Variants in SNX27 observed in about 807,000 individuals in gnomAD.
SNX27 encodes sorting nexin 27, also known as sorting nexin-27.
A neutral mutation model predicts 71.6 loss-of-function variants in SNX27; 22 were observed. The ratio of observed to expected loss-of-function variants is 0.31; its 90% CI spans 0.22 to 0.44. The LOEUF (loss-of-function observed/expected upper bound fraction) is 0.44. SNX27 is among the 20% of genes least tolerant of loss of function. The probability of loss-of-function intolerance (pLI) is 1.00; values close to 1 mark genes in which losing one functional copy is unlikely to be tolerated. For missense variants in SNX27, 531 were observed against 698.6 expected (o/e 0.76, Z 2.70); for synonymous variants, 269 against 277.2 (o/e 0.97, Z 0.29).
At chr1:151,624,409 T>TTA (rs10577800) in intron 1 of SNX27, among the ~76,000 whole-genome samples, 16,918 of 129,504 alleles carry the variant, frequency 0.13, 1,129 homozygotes, top group Middle Eastern at 0.18. Context: ...TAGCTTGATT[T>TTA]TATATATATA....
chr1:151,686,996 A>G (rs868112256), intron 8 of SNX27, among the ~76,000 whole-genome samples: 4 of 152,244 alleles, frequency 2.6e-5, no homozygotes, highest in African/African-American at 7.2e-5. Flanking sequence ...ACGTCTGTGC[A>G]TAGTTTATAA....
chr1:151,613,059 T>C, intron 1 of SNX27: 1 of 152,138 alleles, frequency 6.6e-6, no homozygotes, highest in Non-Finnish European at 1.5e-5. Flanking sequence ...GGAAACACCA[T>C]CCCTCCCCGC....
chr1:151,676,656 T>C (rs1670717133), intron 7 of SNX27: 1 of 152,190 alleles, frequency 6.6e-6, no homozygotes, highest in South Asian at 2.1e-4. Flanking sequence ...AATGTTTATC[T>C]ATCTTTTCCA....
At position 151,697,399 on chromosome 1, in the gene SNX27, T is replaced by C. The variant is rs550285582; in HGVS notation, c.*2982T>C. The C allele has an allele frequency of 1.3e-5, 2 of 152,628 alleles. No individual in the cohort carries two copies. Among genetic ancestry groups the C allele is most frequent in the South Asian group, 2.1e-4 (1 of 4,828 alleles). 9.5% of individuals were successfully genotyped at this position (152,628 alleles called of 1,614,324 possible). A position where few individuals can be genotyped will look rare whatever the true frequency, so the allele number is the denominator to read the frequency against. Reference sequence around the variant, plus strand: ...CCCTTAGAATGGGTAGATGGTGTTATGTTCCCTTTCTGGCATAGCATTCAC... The same window carrying C: ...CCCTTAGAATGGGTAGATGGTGTTACGTTCCCTTTCTGGCATAGCATTCAC... On this transcript the variant is annotated 3_prime_UTR_variant, in exon 12 of 12. Coordinates refer to ENST00000458013, the MANE Select transcript of SNX27 (RefSeq NM_001330723.2).
At chr1:151,654,323 G>T (rs1193249828) in intron 2 of SNX27, among the ~76,000 whole-genome samples, 1 of 152,138 alleles carries the variant, frequency 6.6e-6, no homozygotes, top group African/African-American at 2.4e-5. Context: ...GGCAGAATCT[G>T]TGTCTCTGTG....
In SNX27 at chr1:151,693,078, G is replaced by GTTTTTTTGT. The variant is rs1558078809; in HGVS notation, c.1518+47_1518+55dup. 8 of 1,585,522 alleles carry GTTTTTTTGT rather than the reference G, an allele frequency of 5.0e-6. No homozygotes were observed. In the Admixed American group the frequency reaches 1.1e-4, roughly 22 times the overall value. On this transcript the variant is annotated intron_variant, in intron 10 of 11. Transcript: ENST00000458013. ...GGGGAAAGTAACTGGGACTTAGTTT[G>GTTTTTTTGT]TTTTTTTGTTTTTTTTTTCAGCTAA...
At chr1:151,689,461 A>C (rs1275224008) in intron 8 of SNX27, among the ~76,000 whole-genome samples, 2 of 152,200 alleles carry the variant, frequency 1.3e-5, no homozygotes, top group African/African-American at 2.4e-5. Flanking sequence ...TCAGAGCTCC[A>C]CGCTTCTTCT....
intron 2 of SNX27, among the ~76,000 whole-genome samples, chr1:151,656,428 A>G (rs1207796964): frequency 1.3e-5 from 2 of 152,254 alleles, no homozygotes. Flanking sequence ...AAGTATATGA[A>G]GAGATATTAA....
At chr1:151,692,692 A>G in intron 9 of SNX27, 108 bp downstream of exon 9, 1 of 1,494,346 alleles carries the variant, frequency 6.7e-7, no homozygotes, top group Non-Finnish European at 9.0e-7. Context: ...TCAAAACTGT[A>G]TTTTGACTGG....
chr1:151,650,690 G>T (rs1251262718), intron 2 of SNX27, among the ~76,000 whole-genome samples: 1 of 152,096 alleles, frequency 6.6e-6, no homozygotes, highest in East Asian at 1.9e-4. Context: ...TGGAGGGAAG[G>T]TCAGCAGATA....
At chr1:151,641,862 A>G (rs1668779881) in intron 2 of SNX27, among the ~76,000 whole-genome samples, 1 of 141,904 alleles carries the variant, frequency 7.0e-6, no homozygotes, top group East Asian at 2.0e-4. Context: ...TATATCAGCT[A>G]TAGATATATA....
At chr1:151,655,370 G>A (rs771301373) in intron 2 of SNX27, among the ~76,000 whole-genome samples, 4 of 152,080 alleles carry the variant, frequency 2.6e-5, no homozygotes, top group Non-Finnish European at 4.4e-5. Flanking sequence ...TACTGCTCCC[G>A]GCTGATAATA....
intron 1 of SNX27, among the ~76,000 whole-genome samples, chr1:151,633,347 G>A (rs1668327825): frequency 6.6e-6 from 1 of 152,072 alleles, no homozygotes; most frequent in Non-Finnish European, 1.5e-5. Flanking sequence ...CACCTAGGCT[G>A]GAGTGCGGCG....
chr1:151,679,937 A>T (rs1670863114), intron 7 of SNX27: 1 of 152,196 alleles, frequency 6.6e-6, no homozygotes, highest in Non-Finnish European at 1.5e-5. Flanking sequence ...AGGGATTATC[A>T]CAAGAAATTG....
intron 11 of SNX27, 112 bp from the exon 12 acceptor site, chr1:151,694,258 G>A (rs1281362465): frequency 1.3e-6 from 2 of 1,502,534 alleles, no homozygotes; most frequent in Admixed American, 2.2e-5. Flanking sequence ...AGAAAGATGT[G>A]GCCAATCAGA....
At chr1:151,653,338 G>A (rs1239196290) in intron 2 of SNX27, among the ~76,000 whole-genome samples, 1 of 152,106 alleles carries the variant, frequency 6.6e-6, no homozygotes, top group African/African-American at 2.4e-5. Context: ...AGTAAATAGT[G>A]TTTCAACTTG....
intron 1 of SNX27, among the ~76,000 whole-genome samples, chr1:151,630,766 G>T (rs2102617742): frequency 6.6e-6 from 1 of 152,312 alleles, no homozygotes; most frequent in East Asian, 1.9e-4. Context: ...GGGCACGGTG[G>T]CTCACGCCTG....
chr1:151,648,038 G>T (rs1465379408), intron 2 of SNX27, among the ~76,000 whole-genome samples: 2 of 151,914 alleles, frequency 1.3e-5, no homozygotes, highest in Non-Finnish European at 2.9e-5. Flanking sequence ...AAGAGTCGGG[G>T]TTTTTTTGTT....
At chr1:151,655,641 CCTTTTCTCAGGGATCACCGTT>C (rs1028067762) in intron 2 of SNX27, among the ~76,000 whole-genome samples, 1 of 152,146 alleles carries the variant, frequency 6.6e-6, no homozygotes, top group African/African-American at 2.4e-5. Flanking sequence ...TGTTTGCTTC[CCTTTTCTCAGGGATCACCGTT>C]CTTAGCTGCC....
Sources: gnomAD v4.1 joint callset for allele counts (sites outside exome capture counted in the v4.1 genomes callset) on GRCh38, gnomAD v4.1.1 for gene constraint, MANE v1.5 for transcripts, NCBI Gene and HGNC (gene_info 2026-07-23, HGNC 2026-07-21) for gene names.